DESI2: variants seen among roughly 807,000 people sequenced by gnomAD.
The protein encoded by DESI2 is deubiquitinase DESI2.
DESI2 carries 10 observed loss-of-function variants against 24.1 expected under a neutral mutation model. The ratio of observed to expected loss-of-function variants is 0.41; its 90% CI spans 0.26 to 0.70. The LOEUF is 0.70. Among genes scored for constraint, DESI2 ranks in the 30% least tolerant of loss-of-function variants. The pLI is 0.29. For missense variants in DESI2, 122 were observed against 234.9 expected, an observed-to-expected ratio of 0.52 and a Z score of 3.14; for synonymous variants, 71 against 87.7, an observed-to-expected ratio of 0.81 and a Z score of 1.06.
intron 4 of DESI2, among the ~76,000 whole-genome samples, chr1:244,693,281 G>A (rs975438421): frequency 7.2e-5 from 11 of 152,102 alleles, no homozygotes; most frequent in African/African-American, 2.7e-4. Flanking sequence ...CATTAAGAAC[G>A]TTATTGAGCA....
rs72210181 is a variant in DESI2, at chr1:244,703,000, C to CTTTTTTT, written c.352-2546_352-2540dup. On this transcript the variant is annotated intron_variant, in intron 4 of 4. Coordinates refer to ENST00000302550, the MANE Select transcript of DESI2 (RefSeq NM_016076.5). ...ACAATGTAATATTTGTTTGCCAGCG[C>CTTTTTTT]TTTTTTTTTTTTTTTTGGTGAGACG... 6.7e-4 allele frequency among the ~76,000 whole-genome samples: 88 copies of CTTTTTTT among 131,588 alleles called. 2 individuals carry two copies. Among genetic ancestry groups the CTTTTTTT allele is most frequent in the South Asian group, 1.5e-3 (6 of 4,080 alleles). The allele number at this position is 131,588 out of a possible 152,430, so 86.3% of individuals were successfully genotyped here. A position where few individuals can be genotyped will look rare whatever the true frequency, so the allele number is the denominator to read the frequency against.
intron 4 of DESI2, among the ~76,000 whole-genome samples, chr1:244,703,168 A>C (rs547019144): frequency 1.3e-5 from 2 of 151,686 alleles, no homozygotes; most frequent in South Asian, 4.2e-4. Flanking sequence ...CACCTGGCTA[A>C]TTTTTGTATT....
intron 1 of DESI2, among the ~76,000 whole-genome samples, chr1:244,655,334 T>C (rs989068321): frequency 6.6e-6 from 1 of 152,262 alleles, no homozygotes; most frequent in Non-Finnish European, 1.5e-5. Flanking sequence ...CCTGCACTTA[T>C]GTCTTTATAT....
chr1:244,696,111 TAA>T lies in DESI2; in HGVS notation c.351+4093_351+4094del, dbSNP rs1035854718. Among the ~76,000 whole-genome samples the T allele has an allele frequency of 3.9e-5, 6 of 152,338 alleles. No individual in the cohort carries two copies. In the East Asian group the frequency reaches 1.2e-3, roughly 29 times the overall value. On this transcript the variant is annotated intron_variant, in intron 4 of 4. Transcript: ENST00000302550. ...TATTTCACTCTGTATCTCTAAAAGA[TAA>T]AGATTCTTTTTAACATAACCACATG...
chr1:244,682,257 CAG>C (rs1676642437), intron 1 of DESI2, among the ~76,000 whole-genome samples: 1 of 152,138 alleles, frequency 6.6e-6, no homozygotes. Flanking sequence ...GTCCATTTTA[CAG>C]AGTGCTGATT....
At chr1:244,696,593 C>T (rs1464129511) in intron 4 of DESI2, among the ~76,000 whole-genome samples, 2 of 152,232 alleles carry the variant, frequency 1.3e-5, no homozygotes, top group Non-Finnish European at 2.9e-5. Context: ...GCACTCCAGC[C>T]TGGGTGATAG....
chr1:244,661,523 C>T (rs1426359725), intron 1 of DESI2, among the ~76,000 whole-genome samples: 5 of 151,984 alleles, frequency 3.3e-5, no homozygotes, highest in African/African-American at 4.8e-5. Flanking sequence ...ACTCATCATT[C>T]ACATTAGGTA....
chr1:244,656,479 T>C (rs1675649962), intron 1 of DESI2: 2 of 152,220 alleles, frequency 1.3e-5, no homozygotes, highest in Admixed American at 6.5e-5. Flanking sequence ...TGTTCCTCTG[T>C]GTACTTTGGA....
intron 1 of DESI2, 56 bp from the exon 2 acceptor site, chr1:244,686,541 G>A (rs1676830257): frequency 5.5e-6 from 6 of 1,093,118 alleles, no homozygotes; most frequent in African/African-American, 3.1e-5. Flanking sequence ...TCTGTAGCGC[G>A]GAGTTGGGTT....
chr1:244,657,193 C>T (rs1223155682), intron 1 of DESI2, among the ~76,000 whole-genome samples: 5 of 152,232 alleles, frequency 3.3e-5, no homozygotes, highest in East Asian at 1.9e-4. Flanking sequence ...GTTCTTTTGA[C>T]GCCTGTCTCC....
chr1:244,663,130 C>T (rs1675903668), intron 1 of DESI2, among the ~76,000 whole-genome samples: 1 of 150,884 alleles, frequency 6.6e-6, no homozygotes, highest in South Asian at 2.1e-4. Flanking sequence ...AAGTGATAGG[C>T]AAAACTTTTT....
intron 1 of DESI2, among the ~76,000 whole-genome samples, chr1:244,654,927 A>C (rs1019548008): frequency 2.6e-5 from 4 of 152,334 alleles, no homozygotes; most frequent in Non-Finnish European, 4.4e-5. Context: ...TTAAATTAGG[A>C]GTATACAGTG....
intron 1 of DESI2, among the ~76,000 whole-genome samples, chr1:244,664,238 A>C (rs775949420): frequency 7.2e-5 from 11 of 152,160 alleles, no homozygotes; most frequent in Non-Finnish European, 1.6e-4. Context: ...ACCTTGGGTG[A>C]GAGAGAAGAG....
At chr1:244,685,887 T>C (rs1301857546) in intron 1 of DESI2, among the ~76,000 whole-genome samples, 1 of 152,214 alleles carries the variant, frequency 6.6e-6, no homozygotes, top group Non-Finnish European at 1.5e-5. Context: ...CTGTAATTTC[T>C]TATCATATAA....
At chr1:244,704,113 A>G (rs1444505927) in intron 4 of DESI2, among the ~76,000 whole-genome samples, 1 of 152,204 alleles carries the variant, frequency 6.6e-6, no homozygotes, top group Admixed American at 6.5e-5. Flanking sequence ...AATAAATGTA[A>G]TAAGCATTAA....
intron 4 of DESI2, among the ~76,000 whole-genome samples, chr1:244,700,154 G>A (rs1677390847): frequency 6.6e-6 from 1 of 152,148 alleles, no homozygotes; most frequent in African/African-American, 2.4e-5. Flanking sequence ...CCCTTTCGCT[G>A]TGGTAAGTCC....
intron 1 of DESI2, among the ~76,000 whole-genome samples, chr1:244,679,426 T>C (rs1241316943): frequency 6.6e-6 from 1 of 152,220 alleles, no homozygotes; most frequent in Non-Finnish European, 1.5e-5. Flanking sequence ...AATCTGTATA[T>C]ACCCTTCATT....
intron 1 of DESI2, among the ~76,000 whole-genome samples, chr1:244,659,613 C>T (rs958836791): frequency 6.6e-6 from 1 of 152,196 alleles, no homozygotes; most frequent in African/African-American, 2.4e-5. Context: ...ACTTCACTTT[C>T]CTCCACATCT....
chr1:244,706,009 C>A lies in DESI2; in HGVS notation c.*220C>A. The stretch of plus-strand genomic sequence containing the variant: ...AGCTGCCCTCTGTTTTTTTTATCCA[C>A]TCGTAAATCTGGATTTATTTCTTCT... On this transcript the variant is annotated 3_prime_UTR_variant, in exon 5 of 5. Coordinates refer to ENST00000302550, the MANE Select transcript of DESI2 (RefSeq NM_016076.5). 1.9e-6 allele frequency: 1 copy of A among 534,736 alleles called. No homozygotes were observed. Among genetic ancestry groups the A allele is most frequent in the Non-Finnish European group, 3.3e-6 (1 of 300,218 alleles). 33.1% of individuals were successfully genotyped at this position (534,736 alleles called of 1,614,324 possible). A position where few individuals can be genotyped will look rare whatever the true frequency, so the allele number is the denominator to read the frequency against.
Sources: allele counts gnomAD v4.1 joint callset (sites outside exome capture counted in the v4.1 genomes callset), GRCh38; gene constraint gnomAD v4.1.1; transcripts MANE v1.5; gene names NCBI Gene and HGNC (gene_info 2026-07-23, HGNC 2026-07-21).